The following SHC3 variants were observed in gnomAD, a reference collection of about 807,000 sequenced individuals.
SHC3 encodes SHC-transforming protein 3.
SHC3 carries 15 observed loss-of-function variants against 60.4 expected under a neutral mutation model. The ratio of observed to expected loss-of-function variants is 0.25; its 90% CI spans 0.17 to 0.38. The LOEUF (loss-of-function observed/expected upper bound fraction) is 0.38, where lower values mean the gene tolerates loss of function less well. Among genes scored for constraint, SHC3 ranks in the 10% least tolerant of loss-of-function variants. SHC3 has a pLI of 1.00. For missense variants in SHC3, 677 were observed against 786.1 expected, an observed-to-expected ratio of 0.86 and a Z score of 1.66; for synonymous variants, 294 against 325.9, an observed-to-expected ratio of 0.90 and a Z score of 1.05.
chr9:89,128,860 C>G (rs533478830), intron 1 of SHC3, among the ~76,000 whole-genome samples: 2 of 152,172 alleles, frequency 1.3e-5, no homozygotes, highest in Non-Finnish European at 2.9e-5. Context: ...TCCAAAGGAA[C>G]GCAGCTCCTC....
At chr9:89,051,437 T>C (rs1201989659) in intron 7 of SHC3, among the ~76,000 whole-genome samples, 1 of 152,156 alleles carries the variant, frequency 6.6e-6, no homozygotes, top group African/African-American at 2.4e-5. Context: ...TCACACTCAC[T>C]ATTTTGTTAA....
At chr9:89,025,588 TG>T (rs34073996) in intron 11 of SHC3, among the ~76,000 whole-genome samples, 62,615 of 151,944 alleles carry the variant, frequency 0.41, 14,402 homozygotes, top group East Asian at 0.83. Flanking sequence ...GGTCAGGCCA[TG>T]ATGGGAAGTG....
chr9:89,059,296 GGTGGAGGACGGTGGTGGAGGACGTT>G (rs1825021429), intron 6 of SHC3, among the ~76,000 whole-genome samples: 2 of 145,462 alleles, frequency 1.4e-5, no homozygotes, highest in Non-Finnish European at 3.0e-5. Flanking sequence ...TGGAGGACAT[GGTGGAGGACGGTGGTGGAGGACGTT>G]GTGGAGGATG....
At chr9:89,027,366 C>T (rs983179940) in intron 11 of SHC3, among the ~76,000 whole-genome samples, 2 of 139,068 alleles carry the variant, frequency 1.4e-5, no homozygotes, top group East Asian at 1.9e-4. Flanking sequence ...GTCGCCCAGG[C>T]TGGAGTGCAG....
At chr9:89,109,491 G>C (rs779456827) in intron 2 of SHC3, 8 of 985,392 alleles carry the variant, frequency 8.1e-6, no homozygotes, top group Non-Finnish European at 9.6e-6. Flanking sequence ...TTGGACTTTT[G>C]TTTTCTGAGA....
intron 1 of SHC3, among the ~76,000 whole-genome samples, chr9:89,155,162 G>C (rs1418042303): frequency 2.0e-5 from 3 of 152,210 alleles, no homozygotes; most frequent in East Asian, 1.9e-4. Flanking sequence ...GGTGCCACCA[G>C]CCAGGTTCTC....
chr9:89,027,045 G>A (rs142208568), intron 11 of SHC3, among the ~76,000 whole-genome samples: 77 of 152,306 alleles, frequency 5.1e-4, no homozygotes, highest in African/African-American at 1.6e-3. Flanking sequence ...AGAACTGACC[G>A]TGGTGACCAA....
chr9:89,074,400 G>A (rs969387178), intron 4 of SHC3, among the ~76,000 whole-genome samples: 10 of 152,146 alleles, frequency 6.6e-5, no homozygotes, highest in Non-Finnish European at 5.9e-5. Flanking sequence ...CACCTCCTGC[G>A]CCTCATTTGA....
rs547250468 is a variant in SHC3, at chr9:89,145,744, A to G, written c.474+32243T>C. On this transcript the variant is annotated intron_variant, in intron 1 of 11. Transcript: ENST00000375835. Reference sequence around the variant, plus strand: ...CTTCCATTCTTGGTGCAATGTTAGAACAACACTGATAAAGAGAACATTCTA... The same window carrying G: ...CTTCCATTCTTGGTGCAATGTTAGAGCAACACTGATAAAGAGAACATTCTA... Among the ~76,000 whole-genome samples the G allele has an allele frequency of 1.2e-3, 184 of 152,344 alleles. 1 individual carries two copies. Among genetic ancestry groups the G allele is most frequent in the African/African-American group, 4.0e-3 (167 of 41,576 alleles).
intron 2 of SHC3, among the ~76,000 whole-genome samples, chr9:89,108,797 C>T (rs147310838): frequency 2.0e-3 from 297 of 152,218 alleles, no homozygotes; most frequent in Non-Finnish European, 3.3e-3. Flanking sequence ...ATGAGAAAGT[C>T]GCCCTAACAC....
At chr9:89,026,427 C>G (rs530874005) in intron 11 of SHC3, among the ~76,000 whole-genome samples, 1 of 152,276 alleles carries the variant, frequency 6.6e-6, no homozygotes, top group East Asian at 1.9e-4. Context: ...TAAACTCTTT[C>G]AACCAATTGC....
At chr9:89,124,934 G>T (rs545065430) in intron 1 of SHC3, among the ~76,000 whole-genome samples, 1 of 152,220 alleles carries the variant, frequency 6.6e-6, no homozygotes, top group South Asian at 2.1e-4. Context: ...ATCTGCACCT[G>T]TTAGGATGTT....
Position 89,074,528 on chromosome 9 carries a change from G to C in SHC3, c.729+581C>G, listed in dbSNP as rs561091249. ...TAAAAGATAGACATTGTGCAGGAAC[G>C]CAACCATCCTCAATAAAATTAGCCT... On this transcript the variant is annotated intron_variant, in intron 4 of 11. Coordinates refer to ENST00000375835, the MANE Select transcript of SHC3 (RefSeq NM_016848.6). 4.6e-5 allele frequency among the ~76,000 whole-genome samples: 7 copies of C among 152,078 alleles called. No homozygotes were observed. The South Asian group carries it at 1.5e-3, about 32-fold the overall frequency.
chr9:89,132,292 C>G (rs1826258192), intron 1 of SHC3, among the ~76,000 whole-genome samples: 1 of 152,192 alleles, frequency 6.6e-6, no homozygotes, highest in African/African-American at 2.4e-5. Context: ...ATTCCATGCT[C>G]ATGGATAGGG....
At chr9:89,150,023 C>T (rs756097766) in intron 1 of SHC3, among the ~76,000 whole-genome samples, 5 of 152,086 alleles carry the variant, frequency 3.3e-5, no homozygotes, top group Non-Finnish European at 5.9e-5. Context: ...TCAAGGAACC[C>T]TTATTTTACT....
Position 89,013,538 on chromosome 9 carries a change from T to G in SHC3, c.1694A>C (p.His565Pro). Residue 565 changes from histidine (H) to proline (P), a missense_variant, in exon 12 of 12, where the codon CAC becomes CCC. His to Pro is a moderately conservative substitution (Grantham distance 77, BLOSUM62 -2). Coordinates refer to ENST00000375835, the MANE Select transcript of SHC3 (RefSeq NM_016848.6). ...GCTTTCTAGGTGGTGGTTGATGAGG[T>G]GGCTGATACTGTCAAAGACTCTGTC... ...TKDRVFDSIS[H>P]LINHHLESSL... 1 of 1,613,994 alleles carries G rather than the reference T, an allele frequency of 6.2e-7. No individual in the cohort carries two copies. Among genetic ancestry groups the G allele is most frequent in the Non-Finnish European group, 8.5e-7 (1 of 1,179,948 alleles).
intron 2 of SHC3, among the ~76,000 whole-genome samples, chr9:89,096,278 C>A (rs1488635674): frequency 8.5e-5 from 13 of 152,158 alleles, no homozygotes; most frequent in Admixed American, 5.2e-4. Flanking sequence ...TTGCTTTGGT[C>A]CCTGGGGTTC....
intron 1 of SHC3, among the ~76,000 whole-genome samples, chr9:89,113,187 T>C (rs930517643): frequency 2.6e-5 from 4 of 152,236 alleles, no homozygotes; most frequent in Admixed American, 6.5e-5. Context: ...ATCTTCTGCA[T>C]GATCATAAAT....
chr9:89,077,856 G>T lies in SHC3; in HGVS notation c.593C>A (p.Ala198Asp). ...VCEAVPGAKGAFKKRKPPSKM... is the reference protein window; with the variant it reads ...VCEAVPGAKGDFKKRKPPSKM... ...GGACAGTACCTTTCTCTTCTTGAAG[G>T]CTCCCTTCGCACCAGGCACAGCTTC... Residue 198 changes from alanine (A) to aspartate (D), a missense_variant, in exon 3 of 12, where the codon GCC becomes GAC. Coordinates refer to ENST00000375835, the MANE Select transcript of SHC3 (RefSeq NM_016848.6). 6.2e-7 allele frequency: 1 copy of T among 1,614,174 alleles called. No homozygotes were observed. Among genetic ancestry groups the T allele is most frequent in the Middle Eastern group, 1.6e-4 (1 of 6,062 alleles).
Sources: allele counts gnomAD v4.1 joint callset (sites outside exome capture counted in the v4.1 genomes callset), GRCh38; gene constraint gnomAD v4.1.1; transcripts MANE v1.5; gene names NCBI Gene and HGNC (gene_info 2026-07-23, HGNC 2026-07-21).